The following SQLE variants were observed in gnomAD, a reference collection of about 807,000 sequenced individuals.
SQLE encodes the protein squalene monooxygenase.
Under a neutral mutation model 60.7 loss-of-function variants are expected in SQLE, and 29 were observed. That is an observed-to-expected ratio of 0.48 (90% CI 0.36 to 0.65). The LOEUF (loss-of-function observed/expected upper bound fraction) is 0.65. Among genes scored for constraint, SQLE ranks in the 30% least tolerant of loss-of-function variants. The pLI is 0.00. For synonymous variants in SQLE, 237 were observed against 246.8 expected, an observed-to-expected ratio of 0.96 and a Z score of 0.37; for missense variants, 605 against 684.1, an observed-to-expected ratio of 0.88 and a Z score of 1.29.
chr8:125,005,474 A>C (rs917773957), intron 2 of SQLE, 51 bp from the exon 3 acceptor site: 5 of 1,447,798 alleles, frequency 3.5e-6, no homozygotes, highest in Non-Finnish European at 3.7e-6. Flanking sequence ...TCTTAGTTTA[A>C]CGCTGGGTGT....
intron 7 of SQLE, among the ~76,000 whole-genome samples, chr8:125,012,668 A>G (rs573179646): frequency 1.3e-5 from 2 of 152,310 alleles, no homozygotes; most frequent in African/African-American, 4.8e-5. Context: ...ATTGATAGAT[A>G]TTTGGGTTGT....
At chr8:125,000,952 C>T (rs1393211524) in intron 1 of SQLE, among the ~76,000 whole-genome samples, 1 of 152,156 alleles carries the variant, frequency 6.6e-6, no homozygotes, top group Non-Finnish European at 1.5e-5. Context: ...GTTACCTCTT[C>T]CATTAGACGG....
At chr8:125,013,421 C>T (rs1414857673) in intron 7 of SQLE, among the ~76,000 whole-genome samples, 2 of 146,944 alleles carry the variant, frequency 1.4e-5, no homozygotes, top group East Asian at 2.0e-4. Flanking sequence ...GGTGCGATCT[C>T]GGCTCATTGC....
intron 1 of SQLE, among the ~76,000 whole-genome samples, chr8:125,002,784 C>T (rs1348618214): frequency 1.3e-5 from 2 of 152,130 alleles, no homozygotes; most frequent in East Asian, 1.9e-4. Context: ...TGCATCTTGT[C>T]GATTCCCAGG....
chr8:124,999,424 T>C lies in SQLE; in HGVS notation c.21T>C (p.Ile7=). The change falls in exon 1 of 11, where the codon ATT becomes ATC. Residue 7 remains isoleucine (I), a synonymous_variant. Coordinates refer to ENST00000265896, the MANE Select transcript of SQLE (RefSeq NM_003129.4). MWTFLG[I]ATFTYFYKKF... Reference sequence around the variant, plus strand: ...GAACCATGTGGACTTTTCTGGGCATTGCCACTTTCACCTATTTTTATAAGA... The same window carrying C: ...GAACCATGTGGACTTTTCTGGGCATCGCCACTTTCACCTATTTTTATAAGA... 1 of 1,520,194 alleles carries C rather than the reference T, an allele frequency of 6.6e-7. No individual in the cohort carries two copies. Among genetic ancestry groups the C allele is most frequent in the Non-Finnish European group, 8.8e-7 (1 of 1,133,470 alleles). 94.2% of individuals were successfully genotyped at this position (1,520,194 alleles called of 1,614,324 possible). A position where few individuals can be genotyped will look rare whatever the true frequency, so the allele number is the denominator to read the frequency against.
intron 3 of SQLE, among the ~76,000 whole-genome samples, chr8:125,006,709 TC>T: frequency 6.8e-6 from 1 of 147,182 alleles, no homozygotes; most frequent in Non-Finnish European, 1.5e-5. Context: ...AAATAATTAC[TC>T]TTTCTTTTTT....
At position 125,016,524 on chromosome 8, in the gene SQLE, TTTG is replaced by T. The variant is rs1278904385; in HGVS notation, c.1205-1531_1205-1529del. On this transcript the variant is annotated intron_variant, in intron 7 of 10. Transcript: ENST00000265896. This position sits in a 1 kb window ranked among gnomAD's most constrained non-coding sequence, Gnocchi z 4.1. ...GTTCCTTCTCTGTGTTGTCTTGAAT[TTTG>T]TTGAGCTTCTCCAAAACAGCTATTT... 6.6e-6 allele frequency among the ~76,000 whole-genome samples: 1 copy of T among 152,140 alleles called. No individual in the cohort carries two copies. The highest frequency in any genetic ancestry group is 1.5e-5 in the Non-Finnish European group (1 of 68,014).
At chr8:125,018,262 C>A in intron 8 of SQLE, 61 bp downstream of exon 8, 1 of 1,548,012 alleles carries the variant, frequency 6.5e-7, no homozygotes, top group Non-Finnish European at 8.8e-7. Flanking sequence ...GGGTTAAGAG[C>A]AGTGGGGCTC....
intron 4 of SQLE, 46 bp downstream of exon 4, chr8:125,007,533 C>T (rs778207208): frequency 7.4e-7 from 1 of 1,351,542 alleles, no homozygotes; most frequent in East Asian, 2.5e-5. Flanking sequence ...TGTTGTTTTT[C>T]CTGCTTTTTC....
At position 124,999,279 on chromosome 8, in the gene SQLE, ACT is replaced by A; in HGVS notation, c.-124_-123del. 1.1e-6 allele frequency: 1 copy of A among 881,814 alleles called. No individual in the cohort carries two copies. Among genetic ancestry groups the A allele is most frequent in the East Asian group, 3.2e-5 (1 of 31,398 alleles). 54.6% of individuals were successfully genotyped at this position (881,814 alleles called of 1,614,324 possible). On this transcript the variant is annotated 5_prime_UTR_variant, in exon 1 of 11. It removes the in-frame stop codon of an upstream open reading frame in the 5' UTR. Coordinates refer to ENST00000265896, the MANE Select transcript of SQLE (RefSeq NM_003129.4). ...CTGATCGGACTTCTCGTCCTGGGAC[ACT>A]GTTTACTGGAGTCTGGCCGGCTCTC...
intron 6 of SQLE, among the ~76,000 whole-genome samples, chr8:125,009,688 A>G (rs1815009950): frequency 6.6e-6 from 1 of 152,046 alleles, no homozygotes; most frequent in Non-Finnish European, 1.5e-5. Flanking sequence ...CCAGCTACTC[A>G]GGAGGCTGAG....
At chr8:125,021,718 T>G (rs1457071862) in intron 10 of SQLE, 35 bp from the exon 11 acceptor site, 3 of 1,478,996 alleles carry the variant, frequency 2.0e-6, no homozygotes, top group Non-Finnish European at 2.7e-6. Flanking sequence ...TTTTAGTTTC[T>G]GAGTCTTACC....
At chr8:125,015,240 A>G (rs1334496107) in intron 7 of SQLE, among the ~76,000 whole-genome samples, 1 of 152,068 alleles carries the variant, frequency 6.6e-6, no homozygotes, top group African/African-American at 2.4e-5. Flanking sequence ...TTCCATTTGC[A>G]TGGAATATCT....
At position 125,020,861 on chromosome 8, in the gene SQLE, C is replaced by G; in HGVS notation, c.1522C>G (p.Leu508Val). The G allele has an allele frequency of 6.2e-7, 1 of 1,612,840 alleles. No homozygotes were observed. Among genetic ancestry groups the G allele is most frequent in the Non-Finnish European group, 8.5e-7 (1 of 1,179,092 alleles). ...GGECVAGPVG[L>V]LSVLSPNPLV... Reference sequence around the variant, plus strand: ...CGAATGTGTTGCGGGTCCTGTTGGGCTGCTTTCTGTGTAAGTTGTGATGGC... The same window carrying G: ...CGAATGTGTTGCGGGTCCTGTTGGGGTGCTTTCTGTGTAAGTTGTGATGGC... The change falls in exon 10 of 11, where the codon CTG (leucine) becomes GTG (valine). Residue 508 changes from leucine (L) to valine (V), a missense_variant. By Grantham distance (32) the Leu-to-Val change is conservative. Coordinates refer to ENST00000265896, the MANE Select transcript of SQLE (RefSeq NM_003129.4).
chr8:125,021,631 TATG>T (rs1448652309), intron 10 of SQLE, 119 bp from the exon 11 acceptor site: 1 of 697,246 alleles, frequency 1.4e-6, no homozygotes, highest in Non-Finnish European at 2.3e-6. Context: ...CATACAGAAT[TATG>T]ATGCTTGGGT....
intron 2 of SQLE, among the ~76,000 whole-genome samples, chr8:125,004,742 A>G (rs1814920673): frequency 6.6e-6 from 1 of 151,970 alleles, no homozygotes; most frequent in Non-Finnish European, 1.5e-5. Flanking sequence ...TCTATTTCAT[A>G]TGTCTTTCCC....
At position 124,998,663 on chromosome 8, in the gene SQLE, CT is replaced by C; in HGVS notation, c.-737del. 6.0e-6 allele frequency: 4 copies of C among 663,510 alleles called. No individual in the cohort carries two copies. The South Asian group carries it at 6.3e-5, about 10-fold the overall frequency. The allele number at this position is 663,510 out of a possible 1,614,324, so 41.1% of individuals were successfully genotyped here. On this transcript the variant is annotated 5_prime_UTR_variant, in exon 1 of 11. Coordinates refer to ENST00000265896, the MANE Select transcript of SQLE (RefSeq NM_003129.4). Reference sequence around the variant, plus strand: ...CTGAGGGAGGTACCCTGGAAACCACCTTTTATCGGTGGGGAAGTGCAGTCGC... The same window carrying C: ...CTGAGGGAGGTACCCTGGAAACCACCTTTATCGGTGGGGAAGTGCAGTCGC...
rs780770614 is a variant in SQLE at position 125,018,044 on chromosome 8, T to G, written c.1205-15T>G. The G allele has an allele frequency of 1.2e-6, 2 of 1,610,898 alleles. No individual in the cohort carries two copies. The highest frequency in any genetic ancestry group is 2.2e-5 in the South Asian group (2 of 90,374). ...GGATGCTCTAAAATAAAATCTTCATTACCTCTCTTCATAGGTGTTCTTCTT... is the reference window on the plus strand; with the variant it reads ...GGATGCTCTAAAATAAAATCTTCATGACCTCTCTTCATAGGTGTTCTTCTT... On this transcript the variant is annotated splice_polypyrimidine_tract_variant and intron_variant, in intron 7 of 10. Transcript: ENST00000265896.
At chr8:125,004,720 T>G (rs1238023691) in intron 2 of SQLE, among the ~76,000 whole-genome samples, 1 of 152,078 alleles carries the variant, frequency 6.6e-6, no homozygotes, top group African/African-American at 2.4e-5. Context: ...TATACATGTA[T>G]TAATCTTTTG....
Sources: allele counts gnomAD v4.1 joint callset (sites outside exome capture counted in the v4.1 genomes callset), GRCh38; gene constraint gnomAD v4.1.1; non-coding constraint Gnocchi (gnomAD v3.1); transcripts MANE v1.5; gene names NCBI Gene and HGNC (gene_info 2026-07-23, HGNC 2026-07-21).